The following MARCHF1 variants were observed in gnomAD, a reference collection of about 807,000 sequenced individuals.
The protein encoded by MARCHF1 is E3 ubiquitin-protein ligase MARCHF1.
A neutral mutation model predicts 54.2 loss-of-function variants in MARCHF1; 40 were observed. That is an observed-to-expected ratio of 0.74 (90% CI 0.57 to 0.96). The LOEUF is 0.96. Among genes scored for constraint, MARCHF1 ranks in the 40% least tolerant of loss-of-function variants. The pLI, the probability that MARCHF1 is intolerant of heterozygous loss-of-function variation, is 0.00. For missense variants in MARCHF1, 586 were observed against 656.5 expected, an observed-to-expected ratio of 0.89 and a Z score of 1.17; for synonymous variants, 236 against 236.3, an observed-to-expected ratio of 1.00 and a Z score of 0.01.
chr4:164,140,560 G>T (rs1488590450), intron 1 of MARCHF1, among the ~76,000 whole-genome samples: 1 of 152,020 alleles, frequency 6.6e-6, no homozygotes, highest in Non-Finnish European at 1.5e-5. Flanking sequence ...TCTGCATGTA[G>T]GTATATTTCT....
At chr4:164,166,979 A>C (rs1174226912) in intron 1 of MARCHF1, among the ~76,000 whole-genome samples, 1 of 151,494 alleles carries the variant, frequency 6.6e-6, no homozygotes, top group African/African-American at 2.4e-5. Flanking sequence ...AATTTTATAA[A>C]TCTTTAAATT....
chr4:164,118,399 GA>G (rs1462164408), intron 1 of MARCHF1, among the ~76,000 whole-genome samples: 3 of 149,880 alleles, frequency 2.0e-5, no homozygotes, highest in Non-Finnish European at 4.5e-5. Context: ...AAAGAAAGTG[GA>G]AAAAGATATA....
At chr4:164,261,245 T>C (rs1405828015) in intron 1 of MARCHF1, among the ~76,000 whole-genome samples, 1 of 152,160 alleles carries the variant, frequency 6.6e-6, no homozygotes, top group Non-Finnish European at 1.5e-5. Flanking sequence ...GTTGCTTAAG[T>C]TACCCAGTTT....
chr4:163,908,350 TAGAA>T (rs757929001), intron 3 of MARCHF1, among the ~76,000 whole-genome samples: 1 of 152,098 alleles, frequency 6.6e-6, no homozygotes, highest in South Asian at 2.1e-4. Context: ...CCATCAGAGA[TAGAA>T]AGAGAGAGAG....
chr4:163,636,306 T>C (rs1457685354), intron 5 of MARCHF1, among the ~76,000 whole-genome samples: 3 of 147,792 alleles, frequency 2.0e-5, no homozygotes, highest in Admixed American at 6.9e-5. Flanking sequence ...AGTCAAATTG[T>C]CCCTGTTTGC....
In MARCHF1 at chr4:164,361,640, A is replaced by G. The variant is rs531893366; in HGVS notation, c.-323+22230T>C. ...ACTGTAGAAAGCTGTTTTTGATATGAGTGATAACGTATGCCAAAAGAATCC... is the reference window on the plus strand; with the variant it reads ...ACTGTAGAAAGCTGTTTTTGATATGGGTGATAACGTATGCCAAAAGAATCC... On this transcript the variant is annotated intron_variant, in intron 1 of 9. Transcript: ENST00000514618. Among the ~76,000 whole-genome samples the G allele has an allele frequency of 5.3e-5, 8 of 152,248 alleles. No homozygotes were observed. In the South Asian group the frequency reaches 1.0e-3, roughly 20 times the overall value.
At chr4:164,122,294 T>C (rs562537667) in intron 1 of MARCHF1, among the ~76,000 whole-genome samples, 1 of 152,250 alleles carries the variant, frequency 6.6e-6, no homozygotes, top group African/African-American at 2.4e-5. Context: ...ATTTTCCTTT[T>C]AATGAAAAGC....
At chr4:164,301,069 T>A (rs564699676) in intron 1 of MARCHF1, among the ~76,000 whole-genome samples, 1 of 152,194 alleles carries the variant, frequency 6.6e-6, no homozygotes, top group East Asian at 1.9e-4. Context: ...AAAGACACTA[T>A]AAATTAAGAT....
At chr4:163,936,294 G>C (rs189984503) in intron 3 of MARCHF1, among the ~76,000 whole-genome samples, 1 of 152,296 alleles carries the variant, frequency 6.6e-6, no homozygotes, top group East Asian at 1.9e-4. Context: ...GACTTGAAGT[G>C]AGCACATGCT....
rs866299524 is a variant in MARCHF1, at chr4:163,972,199, G to C, written c.-39+16302C>G. The stretch of plus-strand genomic sequence containing the variant: ...AACATCACATACTGGAGCCTATCAG[G>C]GGGTGGGGAGCTAGGGGAGGGATAG... On this transcript the variant is annotated intron_variant, in intron 3 of 9. Transcript: ENST00000514618. Among the ~76,000 whole-genome samples the C allele has an allele frequency of 1.1e-4, 16 of 152,206 alleles. No homozygotes were observed. The East Asian group carries it at 2.3e-3, about 22-fold the overall frequency.
chr4:164,065,576 G>GAT lies in MARCHF1; in HGVS notation c.-248+46010_-248+46011dup, dbSNP rs139652215. On this transcript the variant is annotated intron_variant, in intron 2 of 9. Transcript: ENST00000514618. Reference sequence around the variant, plus strand: ...TTCTCCAGAGGAACAGAACTAATAGGATATATATATACATGAAAAGGAGTT... The same window carrying GAT: ...TTCTCCAGAGGAACAGAACTAATAGGATATATATATATACATGAAAAGGAGTT... Among the ~76,000 whole-genome samples the GAT allele has an allele frequency of 9.6e-3, 1,462 of 152,078 alleles. 22 individuals are homozygous for GAT. The highest frequency in any genetic ancestry group is 0.033 in the African/African-American group (1,353 of 41,492).
rs1751574046 is a variant in MARCHF1 at position 163,927,987 on chromosome 4, TTC to T, written c.-39+60512_-39+60513del. The stretch of plus-strand genomic sequence containing the variant: ...TTCTTTCTGTTATTTGTTATCCAAG[TTC>T]TCTTTTTTTAATGATTGCCCACTTC... On this transcript the variant is annotated intron_variant, in intron 3 of 9. Coordinates refer to ENST00000514618, the MANE Select transcript of MARCHF1 (RefSeq NM_001394959.1). Among the ~76,000 whole-genome samples the T allele has an allele frequency of 3.3e-5, 5 of 151,808 alleles. No homozygotes were observed. In the South Asian group the frequency reaches 1.0e-3, roughly 32 times the overall value.
chr4:164,179,404 A>AAAGT (rs535788250), intron 1 of MARCHF1, among the ~76,000 whole-genome samples: 18 of 152,014 alleles, frequency 1.2e-4, no homozygotes, highest in African/African-American at 4.1e-4. Context: ...AGTATGTAAT[A>AAAGT]CTTGAACAAA....
At chr4:164,331,071 T>A (rs146115586) in intron 1 of MARCHF1, among the ~76,000 whole-genome samples, 2,293 of 152,332 alleles carry the variant, frequency 0.015, 153 homozygotes, top group Admixed American at 0.12. Flanking sequence ...TGAAAAGTTT[T>A]CAAGTAATTT....
chr4:164,079,752 T>C (rs1374302552), intron 2 of MARCHF1, among the ~76,000 whole-genome samples: 1 of 152,166 alleles, frequency 6.6e-6, no homozygotes, highest in African/African-American at 2.4e-5. Flanking sequence ...TTAGTAGTCA[T>C]AATTTGACCA....
At chr4:163,940,423 G>A (rs1476811922) in intron 3 of MARCHF1, among the ~76,000 whole-genome samples, 1 of 152,018 alleles carries the variant, frequency 6.6e-6, no homozygotes, top group African/African-American at 2.4e-5. Flanking sequence ...GCCAAAAAGA[G>A]GCAGAAGATA....
chr4:163,957,283 G>C (rs1427198692), intron 3 of MARCHF1, among the ~76,000 whole-genome samples: 1 of 151,960 alleles, frequency 6.6e-6, no homozygotes, highest in African/African-American at 2.4e-5. Flanking sequence ...TATGTGTGTA[G>C]TAACTATAAT....
intron 2 of MARCHF1, among the ~76,000 whole-genome samples, chr4:163,998,412 C>G (rs962278721): frequency 4.6e-5 from 7 of 151,472 alleles, no homozygotes; most frequent in Non-Finnish European, 1.0e-4. Flanking sequence ...AATATTAACA[C>G]AGGAGTACTA....
chr4:164,024,859 A>C (rs1753733235), intron 2 of MARCHF1, among the ~76,000 whole-genome samples: 1 of 152,130 alleles, frequency 6.6e-6, no homozygotes, highest in African/African-American at 2.4e-5. Context: ...ATGTAGTGAT[A>C]ACCACAGGCT....
Sources: gnomAD v4.1 joint callset for allele counts (sites outside exome capture counted in the v4.1 genomes callset) on GRCh38, gnomAD v4.1.1 for gene constraint, MANE v1.5 for transcripts, NCBI Gene and HGNC (gene_info 2026-07-23, HGNC 2026-07-21) for gene names.